EXOC4: variants seen among roughly 807,000 people sequenced by gnomAD.
The protein encoded by EXOC4 is exocyst complex component 4.
A neutral mutation model predicts 107.2 loss-of-function variants in EXOC4; 71 were observed. That is an observed-to-expected ratio of 0.66 (90% CI 0.55 to 0.81). EXOC4 has a LOEUF of 0.81. EXOC4 is among the 30% of genes least tolerant of loss of function. The pLI is 0.00. For missense variants in EXOC4, 1,108 were observed against 1,189.6 expected (o/e 0.93, Z 1.01); for synonymous variants, 456 against 441.2 (o/e 1.03, Z -0.42).
chr7:133,719,371 G>A (rs937946698), intron 10 of EXOC4, among the ~76,000 whole-genome samples: 10 of 152,092 alleles, frequency 6.6e-5, no homozygotes, highest in African/African-American at 2.4e-4. Context: ...ATGACACATA[G>A]AAGAATTTTT....
At chr7:133,804,336 CCTGT>C (rs1797020281) in intron 10 of EXOC4, among the ~76,000 whole-genome samples, 1 of 152,134 alleles carries the variant, frequency 6.6e-6, no homozygotes. Flanking sequence ...ACTGTCTTTG[CCTGT>C]CTGTGACTCA....
At chr7:133,698,174 C>T (rs1236981150) in intron 10 of EXOC4, among the ~76,000 whole-genome samples, 1 of 152,014 alleles carries the variant, frequency 6.6e-6, no homozygotes, top group African/African-American at 2.4e-5. Context: ...GTTTTGTTTA[C>T]CCCTGCTCTC....
intron 7 of EXOC4, among the ~76,000 whole-genome samples, chr7:133,451,381 G>A (rs557228491): frequency 6.6e-6 from 1 of 152,132 alleles, no homozygotes; most frequent in South Asian, 2.1e-4. Context: ...ATTTAGGGCA[G>A]TATCCTCTTT....
chr7:133,471,017 G>A (rs999659606), intron 7 of EXOC4, among the ~76,000 whole-genome samples: 3 of 152,122 alleles, frequency 2.0e-5, no homozygotes, highest in Non-Finnish European at 2.9e-5. Flanking sequence ...TTAATACTAG[G>A]CATCTGATGT....
At chr7:133,699,335 C>T (rs1383704123) in intron 10 of EXOC4, among the ~76,000 whole-genome samples, 1 of 152,002 alleles carries the variant, frequency 6.6e-6, no homozygotes, top group Non-Finnish European at 1.5e-5. Flanking sequence ...AAGTGTATGT[C>T]TTATCAACCT....
chr7:133,457,504 C>T (rs765337086), intron 7 of EXOC4, among the ~76,000 whole-genome samples: 4 of 152,142 alleles, frequency 2.6e-5, no homozygotes, highest in South Asian at 4.2e-4. Context: ...CCTTAGGTAG[C>T]TCGCCATATT....
intron 9 of EXOC4, among the ~76,000 whole-genome samples, chr7:133,488,910 G>A (rs1444942216): frequency 6.7e-6 from 1 of 149,620 alleles, no homozygotes; most frequent in Non-Finnish European, 1.5e-5. Context: ...ATATAGAAAT[G>A]TAAACATTTA....
At chr7:133,548,598 T>TG (rs1214533630) in intron 9 of EXOC4, among the ~76,000 whole-genome samples, 1 of 152,234 alleles carries the variant, frequency 6.6e-6, no homozygotes, top group Non-Finnish European at 1.5e-5. Flanking sequence ...CATTAGCACT[T>TG]GCTGCTTCAC....
chr7:133,870,263 C>T (rs553629433), intron 11 of EXOC4, among the ~76,000 whole-genome samples: 58 of 152,174 alleles, frequency 3.8e-4, no homozygotes, highest in African/African-American at 1.3e-3. Context: ...TCCATTTGTA[C>T]TCAAGTGACA....
chr7:133,914,290 G>A (rs1799757918), intron 12 of EXOC4, among the ~76,000 whole-genome samples: 1 of 152,130 alleles, frequency 6.6e-6, no homozygotes. Flanking sequence ...AATGAAAGAG[G>A]AATTAAAAGC....
At chr7:133,408,097 G>A (rs912719088) in intron 7 of EXOC4, among the ~76,000 whole-genome samples, 14 of 152,132 alleles carry the variant, frequency 9.2e-5, no homozygotes, top group Middle Eastern at 3.4e-3. Context: ...TGGTGGTGGC[G>A]ACGGTAGCCA....
chr7:133,736,052 A>G (rs909844933), intron 10 of EXOC4, among the ~76,000 whole-genome samples: 2 of 152,000 alleles, frequency 1.3e-5, no homozygotes, highest in African/African-American at 4.8e-5. Flanking sequence ...TCGCACGACT[A>G]CACTCCAGCC....
At chr7:133,602,596 A>G (rs1801834752) in intron 9 of EXOC4, among the ~76,000 whole-genome samples, 1 of 152,260 alleles carries the variant, frequency 6.6e-6, no homozygotes, top group African/African-American at 2.4e-5. Flanking sequence ...TAGAATGGGA[A>G]TGTTTCCTAA....
chr7:133,671,801 C>G (rs374453866), intron 10 of EXOC4, among the ~76,000 whole-genome samples: 2 of 152,168 alleles, frequency 1.3e-5, no homozygotes, highest in African/African-American at 4.8e-5. Context: ...AGGTTTTTCA[C>G]TTAAGTAACA....
intron 7 of EXOC4, among the ~76,000 whole-genome samples, chr7:133,462,286 T>C (rs1798612435): frequency 1.3e-5 from 2 of 152,144 alleles, no homozygotes; most frequent in Admixed American, 1.3e-4. Flanking sequence ...TAACCTCAAC[T>C]TGAGTGTCAG....
At chr7:133,862,709 A>G (rs1400146210) in intron 11 of EXOC4, among the ~76,000 whole-genome samples, 3 of 152,198 alleles carry the variant, frequency 2.0e-5, no homozygotes, top group Non-Finnish European at 4.4e-5. Context: ...CTATAGATAC[A>G]TATATACTAT....
intron 9 of EXOC4, among the ~76,000 whole-genome samples, chr7:133,585,757 G>A (rs1047205939): frequency 4.6e-5 from 7 of 152,068 alleles, no homozygotes; most frequent in Admixed American, 1.3e-4. Flanking sequence ...GCAGTGGTGC[G>A]ATCTCAGCTC....
chr7:133,968,749 C>T (rs537737015), intron 14 of EXOC4, among the ~76,000 whole-genome samples: 33 of 152,260 alleles, frequency 2.2e-4, no homozygotes, highest in African/African-American at 7.9e-4. Flanking sequence ...GGTAACCCGA[C>T]CTTTCTTTCT....
chr7:133,577,142 A>G (rs1391747485), intron 9 of EXOC4, among the ~76,000 whole-genome samples: 1 of 152,202 alleles, frequency 6.6e-6, no homozygotes, highest in Non-Finnish European at 1.5e-5. Flanking sequence ...ACAGACTTTT[A>G]TTAAATTTTG....
Sources: gnomAD v4.1 joint callset for allele counts (sites outside exome capture counted in the v4.1 genomes callset) on GRCh38, gnomAD v4.1.1 for gene constraint, MANE v1.5 for transcripts, NCBI Gene and HGNC (gene_info 2026-07-23, HGNC 2026-07-21) for gene names.